The following ZC3H6 variants were observed in gnomAD, a reference collection of about 807,000 sequenced individuals.
ZC3H6 encodes zinc finger CCCH-type containing 6.
A neutral mutation model predicts 107.7 loss-of-function variants in ZC3H6; 40 were observed. The observed-to-expected ratio is 0.37, with a 90% CI of 0.29 to 0.48. ZC3H6 has a LOEUF of 0.48. Ranked by LOEUF, ZC3H6 falls within the 20% of genes least tolerant of loss-of-function variation. The probability of loss-of-function intolerance (pLI) is 0.98; values close to 1 mark genes in which losing one functional copy is unlikely to be tolerated. For synonymous variants in ZC3H6, 493 were observed against 487.9 expected (o/e 1.01, Z -0.14); for missense variants, 1,267 against 1,410.4 (o/e 0.90, Z 1.63).
At chr2:112,312,213 T>C in intron 5 of ZC3H6, 1 of 264,972 alleles carries the variant, frequency 3.8e-6, no homozygotes, top group Non-Finnish European at 7.1e-6. Flanking sequence ...CCTCTATTAG[T>C]CTTCTTTTGT....
intron 5 of ZC3H6, among the ~76,000 whole-genome samples, chr2:112,314,149 G>GT (rs780706800): frequency 3.3e-5 from 5 of 151,272 alleles, no homozygotes; most frequent in Non-Finnish European, 7.4e-5. Context: ...AGGTAGCTTG[G>GT]TTTTTTTTCT....
At chr2:112,279,840 C>G (rs1305024137) in intron 1 of ZC3H6, among the ~76,000 whole-genome samples, 2 of 152,148 alleles carry the variant, frequency 1.3e-5, no homozygotes, top group African/African-American at 4.8e-5. Flanking sequence ...GATAAGAACC[C>G]AGGTATTATT....
intron 11 of ZC3H6, 49 bp downstream of exon 11, chr2:112,325,246 AT>A (rs753412042): frequency 6.4e-7 from 1 of 1,566,660 alleles, no homozygotes; most frequent in African/African-American, 1.4e-5. Flanking sequence ...ATGGGTTAAA[AT>A]TTTTAAATGG....
rs1677025198 is a variant in ZC3H6, at chr2:112,331,242, C to T, written c.2324C>T (p.Ala775Val). The T allele has an allele frequency of 1.2e-6, 2 of 1,613,544 alleles. No homozygotes were observed. Among genetic ancestry groups the T allele is most frequent in the African/African-American group, 1.3e-5 (1 of 74,888 alleles). The change falls in exon 12 of 12, where the codon GCC becomes GTC. Residue 775 changes from alanine to valine, a missense_variant. Coordinates refer to ENST00000409871, the MANE Select transcript of ZC3H6 (RefSeq NM_198581.3). ...RQDIRKPSES[A>V]PLDLRLAWDP... ...GACATTAGAAAGCCTTCTGAGTCTGCCCCACTGGATCTTAGACTTGCGTGG... is the reference window on the plus strand; with the variant it reads ...GACATTAGAAAGCCTTCTGAGTCTGTCCCACTGGATCTTAGACTTGCGTGG...
intron 11 of ZC3H6, 44 bp from the exon 12 acceptor site, chr2:112,330,952 TATATTATAA>T: frequency 1.8e-6 from 1 of 559,986 alleles, no homozygotes; most frequent in Non-Finnish European, 2.4e-6. Context: ...ATAATTTTAT[TATATTATAA>T]GTTTATAATA....
chr2:112,278,863 C>T (rs1319907237), intron 1 of ZC3H6, among the ~76,000 whole-genome samples: 1 of 152,148 alleles, frequency 6.6e-6, no homozygotes, highest in Admixed American at 6.5e-5. Context: ...TCCAGCCATC[C>T]TCCCATTTCA....
At position 112,332,378 on chromosome 2, in the gene ZC3H6, C is replaced by T; in HGVS notation, c.3460C>T (p.Pro1154Ser). The change falls in exon 12 of 12, where the codon CCA becomes TCA. Residue 1154 changes from proline to serine, a missense_variant. Physicochemically the swap from Pro to Ser is moderately conservative, Grantham distance 74. Transcript: ENST00000409871. ...QYSDPRQARQ[P>S]GQGSPTPDND... is the part of the protein sequence containing the mutation. The stretch of plus-strand genomic sequence containing the variant: ...CAGTGATCCAAGGCAGGCAAGGCAG[C>T]CAGGACAGGGGAGCCCGACCCCAGA... The T allele has an allele frequency of 6.2e-7, 1 of 1,613,780 alleles. No individual in the cohort carries two copies. The highest frequency in any genetic ancestry group is 8.5e-7 in the Non-Finnish European group (1 of 1,179,872).
chr2:112,320,534 T>TA (rs950927116), intron 7 of ZC3H6, among the ~76,000 whole-genome samples: 44 of 152,044 alleles, frequency 2.9e-4, no homozygotes, highest in Non-Finnish European at 3.1e-4. Context: ...CCTTCCTTTT[T>TA]AAAAAAAATG....
intron 5 of ZC3H6, among the ~76,000 whole-genome samples, chr2:112,313,709 C>T (rs1266901023): frequency 6.6e-6 from 1 of 152,006 alleles, no homozygotes; most frequent in Non-Finnish European, 1.5e-5. Context: ...TGCCAGAGCC[C>T]ACGGAAGCAG....
chr2:112,294,749 CA>C (rs1044749339), intron 1 of ZC3H6, among the ~76,000 whole-genome samples: 1 of 152,084 alleles, frequency 6.6e-6, no homozygotes, highest in African/African-American at 2.4e-5. Flanking sequence ...TCTATTAAGG[CA>C]TATCAGTTTG....
At chr2:112,316,059 G>A (rs1028750054) in intron 5 of ZC3H6, among the ~76,000 whole-genome samples, 1 of 152,022 alleles carries the variant, frequency 6.6e-6, no homozygotes. Flanking sequence ...AGATCTTTGT[G>A]TCTCCCTGAT....
intron 4 of ZC3H6, among the ~76,000 whole-genome samples, chr2:112,311,336 A>G (rs7560030): frequency 4.6e-5 from 7 of 152,220 alleles, no homozygotes; most frequent in African/African-American, 1.7e-4. Flanking sequence ...ATCTTTTTAC[A>G]TACTTTTAAA....
intron 1 of ZC3H6, among the ~76,000 whole-genome samples, chr2:112,290,151 C>T (rs1241266471): frequency 6.6e-6 from 1 of 152,232 alleles, no homozygotes; most frequent in Non-Finnish European, 1.5e-5. Flanking sequence ...ACTCCAAATC[C>T]CATACTGTCA....
chr2:112,322,789 T>A lies in ZC3H6; in HGVS notation c.1227T>A (p.Ser409=), dbSNP rs1003563363. 2 of 1,613,848 alleles carry A rather than the reference T, an allele frequency of 1.2e-6. No individual in the cohort carries two copies. The highest frequency in any genetic ancestry group is 1.7e-6 in the Non-Finnish European group (2 of 1,179,898). ...LPTPPEHFPF[S]DPEDDFQTDF... ...CCCCTCCAGAGCATTTTCCCTTTTC[T>A]GATCCTGAAGACGATTTTCAGACAG... The change falls in exon 9 of 12, where the codon TCT becomes TCA. Residue 409 remains serine, a synonymous_variant. Coordinates refer to ENST00000409871, the MANE Select transcript of ZC3H6 (RefSeq NM_198581.3).
At chr2:112,310,518 G>T (rs1281973983) in intron 4 of ZC3H6, among the ~76,000 whole-genome samples, 3 of 152,136 alleles carry the variant, frequency 2.0e-5, no homozygotes, top group Non-Finnish European at 4.4e-5. Flanking sequence ...CTTTTATTAG[G>T]CTTTAAAATA....
intron 3 of ZC3H6, among the ~76,000 whole-genome samples, chr2:112,309,414 A>G (rs957686208): frequency 1.3e-5 from 2 of 152,126 alleles, no homozygotes; most frequent in Non-Finnish European, 2.9e-5. Context: ...TGATATAGAC[A>G]TTTTCTTTTT....
intron 4 of ZC3H6, among the ~76,000 whole-genome samples, chr2:112,311,309 A>G (rs970550412): frequency 3.9e-5 from 6 of 152,172 alleles, no homozygotes; most frequent in Non-Finnish European, 8.8e-5. Flanking sequence ...AGAAAAACTA[A>G]TTTTTGTAAT....
intron 1 of ZC3H6, among the ~76,000 whole-genome samples, chr2:112,279,876 C>G (rs527492669): frequency 1.3e-5 from 2 of 152,096 alleles, no homozygotes; most frequent in Non-Finnish European, 2.9e-5. Flanking sequence ...ATATTATTTT[C>G]CTACTTGCAA....
At chr2:112,283,195 T>C (rs2104692556) in intron 1 of ZC3H6, among the ~76,000 whole-genome samples, 1 of 152,308 alleles carries the variant, frequency 6.6e-6, no homozygotes. Flanking sequence ...ATTTGACTGC[T>C]GCTGATGTGT....
Sources: gnomAD v4.1 joint callset for allele counts (sites outside exome capture counted in the v4.1 genomes callset) on GRCh38, gnomAD v4.1.1 for gene constraint, MANE v1.5 for transcripts, NCBI Gene and HGNC (gene_info 2026-07-23, HGNC 2026-07-21) for gene names.